Variants in ZNF407 observed in about 807,000 individuals in gnomAD.
ZNF407 encodes the protein zinc finger protein 407.
A neutral mutation model predicts 131.2 loss-of-function variants in ZNF407; 17 were observed. That is an observed-to-expected ratio of 0.13 (90% confidence interval 0.09 to 0.19). The LOEUF is 0.19. ZNF407 is among the 10% of genes least tolerant of loss of function. ZNF407 has a pLI of 1.00. For synonymous variants in ZNF407, 1,156 were observed against 1,062.0 expected (o/e 1.09, Z -1.72); for missense variants, 2,681 against 2,830.6 (o/e 0.95, Z 1.20).
chr18:74,641,718 A>C (rs17055291), intron 3 of ZNF407, among the ~76,000 whole-genome samples: 1 of 152,182 alleles, frequency 6.6e-6, no homozygotes, highest in East Asian at 1.9e-4. Context: ...CTGTTATTCA[A>C]ATGTGTTGCA....
At chr18:74,685,987 G>C (rs1323164738) in intron 3 of ZNF407, among the ~76,000 whole-genome samples, 1 of 152,202 alleles carries the variant, frequency 6.6e-6, no homozygotes, top group Non-Finnish European at 1.5e-5. Context: ...AAGGCACCTT[G>C]AAAAGTGCCT....
intron 7 of ZNF407, among the ~76,000 whole-genome samples, chr18:74,913,725 T>C (rs747931102): frequency 6.6e-6 from 1 of 152,112 alleles, no homozygotes; most frequent in Non-Finnish European, 1.5e-5. Flanking sequence ...GTGGTATAAT[T>C]TTAACAACCA....
At chr18:74,831,794 C>A (rs1447324107) in intron 4 of ZNF407, among the ~76,000 whole-genome samples, 2 of 152,142 alleles carry the variant, frequency 1.3e-5, no homozygotes, top group African/African-American at 2.4e-5. Context: ...TCTCCATATA[C>A]CTGATGCCAC....
chr18:74,880,987 T>C (rs777920214), intron 5 of ZNF407, 49 bp from the exon 6 acceptor site: 5 of 1,488,992 alleles, frequency 3.4e-6, no homozygotes, highest in Non-Finnish European at 4.6e-6. Context: ...AGATATGTTT[T>C]AATGATCTGT....
chr18:74,959,937 T>C (rs1972319711), intron 8 of ZNF407, among the ~76,000 whole-genome samples: 1 of 152,240 alleles, frequency 6.6e-6, no homozygotes, highest in African/African-American at 2.4e-5. Flanking sequence ...CAGTGTGGCT[T>C]CTTTATGCAA....
intron 3 of ZNF407, among the ~76,000 whole-genome samples, chr18:74,673,728 T>C (rs971478713): frequency 3.2e-4 from 49 of 152,198 alleles, no homozygotes; most frequent in African/African-American, 8.9e-4. Context: ...AAATTCTGTG[T>C]TAAACATACA....
chr18:74,881,195 A>G (rs1971233501), intron 6 of ZNF407, 76 bp downstream of exon 6: 6 of 1,301,876 alleles, frequency 4.6e-6, no homozygotes, highest in African/African-American at 2.9e-5. Flanking sequence ...TCTTGATGTC[A>G]TCATTTACTT....
chr18:74,642,674 C>G (rs1445868877), intron 3 of ZNF407, among the ~76,000 whole-genome samples: 1 of 152,088 alleles, frequency 6.6e-6, no homozygotes, highest in Non-Finnish European at 1.5e-5. Flanking sequence ...CCACCCTGCT[C>G]GCTAACTGCT....
At chr18:74,865,226 G>A (rs987949989) in intron 4 of ZNF407, among the ~76,000 whole-genome samples, 3 of 152,194 alleles carry the variant, frequency 2.0e-5, no homozygotes, top group Non-Finnish European at 2.9e-5. Context: ...ATTTGTGTGT[G>A]TGTAATTTCT....
At chr18:74,765,752 G>T (rs1234625425) in intron 3 of ZNF407, among the ~76,000 whole-genome samples, 1 of 152,156 alleles carries the variant, frequency 6.6e-6, no homozygotes, top group Non-Finnish European at 1.5e-5. Context: ...CATTCCAGCT[G>T]CCTGGCCTCC....
At chr18:74,607,708 T>C (rs1054920556) in intron 1 of ZNF407, among the ~76,000 whole-genome samples, 3 of 149,260 alleles carry the variant, frequency 2.0e-5, no homozygotes, top group Non-Finnish European at 4.5e-5. Context: ...CTTTTCTTTG[T>C]TATTTTGTGT....
intron 8 of ZNF407, among the ~76,000 whole-genome samples, chr18:75,047,233 G>C (rs1220317381): frequency 6.6e-6 from 1 of 152,162 alleles, no homozygotes; most frequent in East Asian, 1.9e-4. Flanking sequence ...GCAGGACGAT[G>C]TCAAAAATAG....
chr18:74,728,137 A>C (rs1440542222), intron 3 of ZNF407, among the ~76,000 whole-genome samples: 1 of 152,182 alleles, frequency 6.6e-6, no homozygotes, highest in Non-Finnish European at 1.5e-5. Context: ...ATTTGGCCAT[A>C]AGAGGGCTTG....
At chr18:74,628,989 G>C (rs1376544034) in intron 1 of ZNF407, among the ~76,000 whole-genome samples, 2 of 152,180 alleles carry the variant, frequency 1.3e-5, no homozygotes, top group African/African-American at 2.4e-5. Context: ...CCTTTTGGCT[G>C]TTATGAATAA....
intron 8 of ZNF407, among the ~76,000 whole-genome samples, chr18:74,922,318 C>T (rs1971856909): frequency 1.3e-5 from 2 of 152,194 alleles, no homozygotes; most frequent in Non-Finnish European, 2.9e-5. Context: ...CCATGGTGGG[C>T]ATCAGCAAAG....
intron 3 of ZNF407, among the ~76,000 whole-genome samples, chr18:74,716,448 G>A (rs1013724011): frequency 6.6e-6 from 1 of 152,064 alleles, no homozygotes; most frequent in South Asian, 2.1e-4. Flanking sequence ...TAATGGAGGC[G>A]GGTTCACAAA....
At chr18:74,676,229 T>C (rs1422778629) in intron 3 of ZNF407, among the ~76,000 whole-genome samples, 1 of 150,326 alleles carries the variant, frequency 6.7e-6, no homozygotes, top group Non-Finnish European at 1.5e-5. Flanking sequence ...GTAGCTGGGA[T>C]TACAGATGCA....
intron 3 of ZNF407, among the ~76,000 whole-genome samples, chr18:74,708,322 A>G (rs1967674988): frequency 6.6e-6 from 1 of 152,190 alleles, no homozygotes; most frequent in African/African-American, 2.4e-5. Context: ...ATATGTAGTC[A>G]TTACATCATA....
intron 4 of ZNF407, among the ~76,000 whole-genome samples, chr18:74,849,876 T>G (rs112580629): frequency 0.011 from 1,685 of 152,344 alleles, 22 homozygotes; most frequent in African/African-American, 0.037. Context: ...GCATGTAAGA[T>G]AAGCTAACAA....
Sources: allele counts gnomAD v4.1 joint callset (sites outside exome capture counted in the v4.1 genomes callset), GRCh38; gene constraint gnomAD v4.1.1; transcripts MANE v1.5; gene names NCBI Gene and HGNC (gene_info 2026-07-23, HGNC 2026-07-21).